The following REEP5 variants were observed in gnomAD, a reference collection of about 807,000 sequenced individuals.
REEP5 encodes receptor accessory protein 5.
In REEP5, 24 loss-of-function variants were observed where a neutral mutation model predicts 22.4. The observed-to-expected ratio is 1.07, with a 90% CI of 0.78 to 1.51. The LOEUF (loss-of-function observed/expected upper bound fraction) is 1.51. REEP5 is among the 40% of genes most tolerant of loss of function. The pLI is 0.00. For synonymous variants in REEP5, 103 were observed against 88.6 expected (o/e 1.16, Z -0.92); for missense variants, 252 against 233.0 (o/e 1.08, Z -0.53).
At chr5:112,893,862 C>G (rs1346933175) in intron 3 of REEP5, 1 of 152,258 alleles carries the variant, frequency 6.6e-6, no homozygotes, top group Non-Finnish European at 1.5e-5. Flanking sequence ...CCCAGCAACT[C>G]TGCTCTAGCA....
rs2150032385 is a variant in REEP5 at position 112,878,740 on chromosome 5, C to T, written c.*46G>A. ...CAGTCCCTAATATAACATCAAGCTC[C>T]AGTAGGAAGGTACAGAGAGGGCAGG... On this transcript the variant is annotated 3_prime_UTR_variant, in exon 5 of 5. Coordinates refer to ENST00000379638, the MANE Select transcript of REEP5 (RefSeq NM_005669.5). 6.8e-6 allele frequency: 11 copies of T among 1,609,872 alleles called. No homozygotes were observed. The highest frequency in any genetic ancestry group is 9.3e-6 in the Non-Finnish European group (11 of 1,178,582).
At chr5:112,894,124 G>GTTTTTTTTTTTT (rs199564515) in intron 3 of REEP5, 3 of 141,816 alleles carry the variant, frequency 2.1e-5, no homozygotes, top group African/African-American at 5.2e-5. Context: ...GGTTTTTTTT[G>GTTTTTTTTTTTT]TTTTTTTTTT....
At chr5:112,908,101 GTT>G (rs1047059353) in intron 2 of REEP5, among the ~76,000 whole-genome samples, 15 of 83,898 alleles carry the variant, frequency 1.8e-4, no homozygotes, top group Admixed American at 3.7e-4. Context: ...TTTGTTTTTT[GTT>G]TTTTTTTTTT....
intron 3 of REEP5, chr5:112,893,412 A>G (rs115952133): frequency 0.011 from 1,938 of 178,004 alleles, 11 homozygotes; most frequent in Middle Eastern, 0.031. Context: ...TGTGTCTCAA[A>G]AAATAGAATT....
chr5:112,900,313 T>A (rs971912580), intron 3 of REEP5, among the ~76,000 whole-genome samples: 4 of 152,248 alleles, frequency 2.6e-5, no homozygotes, highest in African/African-American at 9.6e-5. Context: ...CCCACTGTCA[T>A]ATAGAAATTT....
chr5:112,884,359 C>T (rs577943227), intron 4 of REEP5, among the ~76,000 whole-genome samples: 126 of 152,196 alleles, frequency 8.3e-4, no homozygotes, highest in African/African-American at 2.9e-3. Flanking sequence ...AGTATGATTC[C>T]CCATGGTTCC....
intron 2 of REEP5, among the ~76,000 whole-genome samples, chr5:112,917,426 GT>G (rs1306596250): frequency 1.3e-5 from 2 of 152,198 alleles, no homozygotes; most frequent in Non-Finnish European, 2.9e-5. Flanking sequence ...TCCCAGGAAG[GT>G]GGCAGCCCAA....
Position 112,902,384 on chromosome 5 carries a change from A to G in REEP5, c.347T>C (p.Leu116Pro), listed in dbSNP as rs201165668. ...FLSWFPFYYM[L>P]KCGFLLWCMA... ...GTGGTAGCAAGACCAACATACCTTC[A>G]GCATGTAGTAGAAGGGGAACCATGA... Residue 116 changes from leucine to proline, a missense_variant, in exon 3 of 5, where the codon CTG (leucine) becomes CCG (proline). Physicochemically the swap from Leu to Pro is moderately conservative, Grantham distance 98 (BLOSUM62 -3). Coordinates refer to ENST00000379638, the MANE Select transcript of REEP5 (RefSeq NM_005669.5). 1 of 1,609,512 alleles carries G rather than the reference A, an allele frequency of 6.2e-7. No homozygotes were observed. Among genetic ancestry groups the G allele is most frequent in the Non-Finnish European group, 8.5e-7 (1 of 1,178,478 alleles).
At chr5:112,882,709 G>A (rs2150034405) in intron 4 of REEP5, among the ~76,000 whole-genome samples, 1 of 152,310 alleles carries the variant, frequency 6.6e-6, no homozygotes, top group Admixed American at 6.5e-5. Flanking sequence ...GCAGAGAAGA[G>A]TAGCTGCAAC....
intron 3 of REEP5, chr5:112,893,111 A>T: frequency 1.0e-6 from 1 of 988,826 alleles, no homozygotes; most frequent in Non-Finnish European, 1.5e-6. Context: ...AAAAAAAAAA[A>T]AAAAAAGAAT....
intron 2 of REEP5, among the ~76,000 whole-genome samples, chr5:112,919,668 G>C (rs1244404602): frequency 2.0e-5 from 3 of 152,264 alleles, no homozygotes; most frequent in East Asian, 3.9e-4. Context: ...TACCATGTGA[G>C]GAAGCAGTGA....
At chr5:112,898,781 T>C (rs1645760190) in intron 3 of REEP5, among the ~76,000 whole-genome samples, 1 of 152,206 alleles carries the variant, frequency 6.6e-6, no homozygotes, top group African/African-American at 2.4e-5. Context: ...AATTAAAGAT[T>C]GTAAGAATAT....
chr5:112,905,270 A>G (rs536711334), intron 2 of REEP5, among the ~76,000 whole-genome samples: 204 of 152,280 alleles, frequency 1.3e-3, no homozygotes, highest in Non-Finnish European at 2.2e-3. Flanking sequence ...GCCGGGCACA[A>G]TGGCTCACAC....
At chr5:112,890,865 T>C (rs1206987793) in intron 3 of REEP5, among the ~76,000 whole-genome samples, 1 of 150,742 alleles carries the variant, frequency 6.6e-6, no homozygotes, top group Non-Finnish European at 1.5e-5. Context: ...GTTTTTCCTC[T>C]ATAAAATAGG....
At chr5:112,901,111 T>C (rs1339174128) in intron 3 of REEP5, among the ~76,000 whole-genome samples, 1 of 152,050 alleles carries the variant, frequency 6.6e-6, no homozygotes, top group Non-Finnish European at 1.5e-5. Context: ...AGTGCTAGAA[T>C]TGCAGGCATG....
chr5:112,915,652 T>C (rs1333460396), intron 2 of REEP5, among the ~76,000 whole-genome samples: 1 of 152,248 alleles, frequency 6.6e-6, no homozygotes, highest in Non-Finnish European at 1.5e-5. Flanking sequence ...ATGCCTGTTA[T>C]ATTTTTTATC....
At chr5:112,887,534 C>T (rs1216801998) in intron 3 of REEP5, among the ~76,000 whole-genome samples, 1 of 152,030 alleles carries the variant, frequency 6.6e-6, no homozygotes, top group African/African-American at 2.4e-5. Context: ...TACTTATCTG[C>T]ATGTATAAAG....
chr5:112,892,584 G>C lies in REEP5; in HGVS notation c.352-5401C>G, dbSNP rs183322512. 4 of 1,614,150 alleles carry C rather than the reference G, an allele frequency of 2.5e-6. No individual in the cohort carries two copies. The South Asian group carries it at 4.4e-5, about 18-fold the overall frequency. On this transcript the variant is annotated intron_variant, in intron 3 of 4. Transcript: ENST00000379638. The stretch of plus-strand genomic sequence containing the variant: ...GCCCAGTGACCCGGTGGAAAATGGC[G>C]ATTTGTGGTTTATTTGAAATACAAC...
At chr5:112,905,052 T>C (rs1768924801) in intron 2 of REEP5, among the ~76,000 whole-genome samples, 1 of 152,210 alleles carries the variant, frequency 6.6e-6, no homozygotes, top group Non-Finnish European at 1.5e-5. Context: ...TCTTCTCATA[T>C]TATTGAAGCA....
Sources: gnomAD v4.1 joint callset for allele counts (sites outside exome capture counted in the v4.1 genomes callset) on GRCh38, gnomAD v4.1.1 for gene constraint, MANE v1.5 for transcripts, NCBI Gene and HGNC (gene_info 2026-07-23, HGNC 2026-07-21) for gene names.